LINGO2: variants seen among roughly 807,000 people sequenced by gnomAD.
LINGO2 encodes leucine rich repeat and Ig domain containing 2, also known as leucine-rich repeat and immunoglobulin-like domain-containing nogo receptor-interacting protein 2.
A neutral mutation model predicts 30.6 loss-of-function variants in LINGO2; 14 were observed. The ratio of observed to expected loss-of-function variants is 0.46; its 90% CI spans 0.30 to 0.72. The LOEUF is 0.72. LINGO2 is among the 30% of genes least tolerant of loss of function. The pLI, the probability that LINGO2 is intolerant of heterozygous loss-of-function variation, is 0.07. For missense variants in LINGO2, 729 were observed against 751.7 expected (o/e 0.97, Z 0.35); for synonymous variants, 317 against 288.5 (o/e 1.10, Z -1.00).
chr9:28,213,378 G>T (rs2133867209), intron 4 of LINGO2, among the ~76,000 whole-genome samples: 1 of 151,428 alleles, frequency 6.6e-6, no homozygotes, highest in Admixed American at 6.6e-5. Context: ...AGTCCATGCA[G>T]CCACAAAAAT....
chr9:28,551,200 A>G (rs986136340), intron 1 of LINGO2, among the ~76,000 whole-genome samples: 4 of 151,918 alleles, frequency 2.6e-5, no homozygotes, highest in Admixed American at 2.6e-4. Context: ...ACTAAAATAA[A>G]ACTAGAATAT....
chr9:29,056,605 C>T, the LINGO2 span, among the ~76,000 whole-genome samples: 10 of 152,024 alleles, frequency 6.6e-5, no homozygotes, highest in African/African-American at 2.4e-4. Context: ...AAGTCTCATC[C>T]TTTTATCTTT....
chr9:28,161,235 G>T (rs965437378), intron 4 of LINGO2, among the ~76,000 whole-genome samples: 1 of 152,030 alleles, frequency 6.6e-6, no homozygotes, highest in African/African-American at 2.4e-5. Flanking sequence ...GATCCAGTTG[G>T]GTCCTAGGCC....
chr9:28,308,496 G>A (rs28783211), intron 3 of LINGO2, among the ~76,000 whole-genome samples: 15,775 of 139,724 alleles, frequency 0.11, 1,104 homozygotes, highest in East Asian at 0.21. Context: ...AAACCTAGGC[G>A]TTACCATTCA....
chr9:28,152,025 A>G (rs924090514), intron 4 of LINGO2, among the ~76,000 whole-genome samples: 2 of 152,228 alleles, frequency 1.3e-5, no homozygotes, highest in Admixed American at 1.3e-4. Flanking sequence ...CCTACCAAAT[A>G]TAAGATATAC....
intron 1 of LINGO2, among the ~76,000 whole-genome samples, chr9:28,556,976 C>T (rs1204490607): frequency 6.6e-6 from 1 of 152,018 alleles, no homozygotes; most frequent in African/African-American, 2.4e-5. Flanking sequence ...CCCTTCCTTA[C>T]ACCTTATACA....
At chr9:28,281,380 C>G (rs1030654266) in intron 4 of LINGO2, among the ~76,000 whole-genome samples, 1 of 151,892 alleles carries the variant, frequency 6.6e-6, no homozygotes, top group African/African-American at 2.4e-5. Context: ...TTCTTTTAAC[C>G]ATTAAATGCC....
At chr9:29,051,464 T>C in the LINGO2 span, among the ~76,000 whole-genome samples, 2 of 152,172 alleles carry the variant, frequency 1.3e-5, no homozygotes, top group Non-Finnish European at 2.9e-5. Flanking sequence ...CATTTCCTTG[T>C]AGCAGTGAAT....
chr9:28,055,688 C>A (rs1366268476), intron 4 of LINGO2, among the ~76,000 whole-genome samples: 1 of 152,122 alleles, frequency 6.6e-6, no homozygotes, highest in African/African-American at 2.4e-5. Context: ...CAAAATGCTT[C>A]TTTGTTAACT....
chr9:29,159,290 G>A, the LINGO2 span, among the ~76,000 whole-genome samples: 13 of 152,148 alleles, frequency 8.5e-5, 1 homozygote, highest in South Asian at 8.3e-4. Context: ...AATTCCTCAC[G>A]GTTACCTACT....
the LINGO2 span, among the ~76,000 whole-genome samples, chr9:28,994,050 T>A: frequency 6.6e-6 from 1 of 151,764 alleles, no homozygotes; most frequent in South Asian, 2.1e-4. Flanking sequence ...ATAAAGGGTA[T>A]TCAGTTAGGA....
At chr9:29,004,742 A>G in the LINGO2 span, among the ~76,000 whole-genome samples, 1 of 151,924 alleles carries the variant, frequency 6.6e-6, no homozygotes, top group Non-Finnish European at 1.5e-5. Flanking sequence ...GATGCACACT[A>G]AACATTCACA....
In LINGO2 at chr9:28,647,853, G is replaced by A. The variant is rs994922181; in HGVS notation, c.-365+22347C>T. On this transcript the variant is annotated intron_variant, in intron 1 of 5. Coordinates refer to ENST00000379992, the Ensembl canonical transcript of LINGO2. ...TATTCAACCTGTGTCAGCCATTATT[G>A]ACAATAATTCTGTATGATGATATTT... is the stretch of plus-strand genomic sequence containing the variant. Among the ~76,000 whole-genome samples, 6 of 148,058 alleles carry A rather than the reference G, an allele frequency of 4.1e-5. 1 individual carries two copies. Among genetic ancestry groups the A allele is most frequent in the Non-Finnish European group, 8.9e-5 (6 of 67,090 alleles).
intron 1 of LINGO2, among the ~76,000 whole-genome samples, chr9:28,595,596 A>C (rs1825136287): frequency 6.6e-6 from 1 of 152,136 alleles, no homozygotes; most frequent in South Asian, 2.1e-4. Context: ...GTGAGTGTAC[A>C]AAAATTACTT....
intron 1 of LINGO2, among the ~76,000 whole-genome samples, chr9:28,497,301 A>G (rs1446785567): frequency 6.6e-6 from 1 of 152,216 alleles, no homozygotes; most frequent in Non-Finnish European, 1.5e-5. Flanking sequence ...TACACCAATC[A>G]GACACAGATT....
At position 28,557,356 on chromosome 9, in the gene LINGO2, T is replaced by C. The variant is rs866845242; in HGVS notation, c.-364-81331A>G. On this transcript the variant is annotated intron_variant, in intron 1 of 5. Transcript: ENST00000379992. Reference sequence around the variant, plus strand: ...GCAAAGGACATGAACAGACACTTCTTAAAAGAAGACATTTATGCAGCCAAC... The same window carrying C: ...GCAAAGGACATGAACAGACACTTCTCAAAAGAAGACATTTATGCAGCCAAC... Among the ~76,000 whole-genome samples, 389 of 152,022 alleles carry C rather than the reference T, an allele frequency of 2.6e-3. 4 individuals are homozygous for C. The highest frequency in any genetic ancestry group is 8.8e-3 in the African/African-American group (365 of 41,450).
the LINGO2 span, among the ~76,000 whole-genome samples, chr9:29,034,992 A>G: frequency 1.3e-5 from 2 of 152,160 alleles, no homozygotes; most frequent in Non-Finnish European, 2.9e-5. Flanking sequence ...GCCTCAATAA[A>G]TGTTAAATAT....
At chr9:28,120,061 G>A (rs1285482170) in intron 4 of LINGO2, among the ~76,000 whole-genome samples, 4 of 152,092 alleles carry the variant, frequency 2.6e-5, no homozygotes, top group African/African-American at 9.7e-5. Flanking sequence ...AATTGGGAAC[G>A]GCTCTTTAAA....
chr9:28,886,724 C>CT, the LINGO2 span, among the ~76,000 whole-genome samples: 1 of 152,146 alleles, frequency 6.6e-6, no homozygotes, highest in Admixed American at 6.5e-5. Context: ...ATGAGGCTAG[C>CT]TAGTGTCATC....
Sources: gnomAD v4.1 joint callset for allele counts (sites outside exome capture counted in the v4.1 genomes callset) on GRCh38, gnomAD v4.1.1 for gene constraint, MANE v1.5 for transcripts, NCBI Gene and HGNC (gene_info 2026-07-23, HGNC 2026-07-21) for gene names.